Variants in PAPSS2 observed in about 807,000 individuals in gnomAD.
The protein encoded by PAPSS2 is bifunctional 3'-phosphoadenosine 5'-phosphosulfate synthase 2.
Under a neutral mutation model 66.5 loss-of-function variants are expected in PAPSS2, and 61 were observed. The ratio of observed to expected loss-of-function variants is 0.92; its 90% confidence interval spans 0.75 to 1.14. The LOEUF (loss-of-function observed/expected upper bound fraction) is 1.14, where lower values mean the gene tolerates loss of function less well. PAPSS2 is among the 50% of genes most tolerant of loss of function. The pLI, the probability that PAPSS2 is intolerant of heterozygous loss-of-function variation, is 0.00. For synonymous variants in PAPSS2, 289 were observed against 287.5 expected (o/e 1.01, Z -0.05); for missense variants, 708 against 789.6 (o/e 0.90, Z 1.24).
At chr10:87,690,707 A>G (rs1853161868) in intron 1 of PAPSS2, among the ~76,000 whole-genome samples, 1 of 152,248 alleles carries the variant, frequency 6.6e-6, no homozygotes, top group Admixed American at 6.5e-5. Context: ...TTTAATTATC[A>G]TTAAAAACAA....
intron 1 of PAPSS2, among the ~76,000 whole-genome samples, chr10:87,708,082 A>T (rs1015670391): frequency 1.3e-5 from 2 of 152,074 alleles, no homozygotes; most frequent in Admixed American, 1.3e-4. Context: ...TCCCCCTTGG[A>T]TCACATGTTA....
chr10:87,744,796 A>G (rs1220268572), intron 11 of PAPSS2, among the ~76,000 whole-genome samples: 2 of 152,134 alleles, frequency 1.3e-5, no homozygotes, highest in Non-Finnish European at 2.9e-5. Flanking sequence ...ATGAGGGAGG[A>G]ATCTTATCTT....
At chr10:87,710,019 A>G (rs2131932200) in intron 2 of PAPSS2, among the ~76,000 whole-genome samples, 1 of 152,326 alleles carries the variant, frequency 6.6e-6, no homozygotes, top group South Asian at 2.1e-4. Context: ...TTGTACTCTG[A>G]GTCCAAGGTA....
intron 10 of PAPSS2, 39 bp from the exon 11 acceptor site, chr10:87,743,334 T>A (rs1277058226): frequency 6.2e-7 from 1 of 1,606,034 alleles, no homozygotes; most frequent in Admixed American, 1.7e-5. Flanking sequence ...TGACACCATG[T>A]GTTTCTGTGA....
At chr10:87,707,841 G>C (rs1485870859) in intron 1 of PAPSS2, among the ~76,000 whole-genome samples, 1 of 151,990 alleles carries the variant, frequency 6.6e-6, no homozygotes, top group Non-Finnish European at 1.5e-5. Flanking sequence ...CAAAGTGCTG[G>C]GATTACAAAC....
At chr10:87,661,194 C>G (rs1367324971) in intron 1 of PAPSS2, 4 of 372,218 alleles carry the variant, frequency 1.1e-5, no homozygotes, top group African/African-American at 8.6e-5. Flanking sequence ...TGTGGAGGGG[C>G]CATGCAGGGC....
chr10:87,700,582 G>A (rs1187521096), intron 1 of PAPSS2, among the ~76,000 whole-genome samples: 7 of 151,580 alleles, frequency 4.6e-5, no homozygotes, highest in Non-Finnish European at 7.4e-5. Flanking sequence ...CGCTTGAGCC[G>A]GAGACGTGGA....
At chr10:87,718,031 CTTTTCTTTT>C (rs1038080743) in intron 7 of PAPSS2, among the ~76,000 whole-genome samples, 6 of 151,416 alleles carry the variant, frequency 4.0e-5, no homozygotes. Flanking sequence ...TTTCTTTTTT[CTTTTCTTTT>C]TTTTCTTTTT....
intron 10 of PAPSS2, among the ~76,000 whole-genome samples, chr10:87,741,992 A>C (rs1273157947): frequency 6.6e-6 from 1 of 152,068 alleles, no homozygotes; most frequent in Non-Finnish European, 1.5e-5. Flanking sequence ...TCCTGGGCTC[A>C]AGCAATCTCC....
chr10:87,745,706 CCCACTTTTGA>C (rs1260410963), intron 12 of PAPSS2, 116 bp from the exon 13 acceptor site: 2 of 896,524 alleles, frequency 2.2e-6, no homozygotes, highest in African/African-American at 3.3e-5. Context: ...TAGAGGACTG[CCCACTTTTGA>C]AGATGCAGCA....
chr10:87,689,300 A>G (rs1564713114), intron 1 of PAPSS2, among the ~76,000 whole-genome samples: 1 of 147,976 alleles, frequency 6.8e-6, no homozygotes, highest in Non-Finnish European at 1.5e-5. Context: ...AGATCATGCC[A>G]CTGCACCCCA....
chr10:87,721,083 G>A (rs1024261972), intron 7 of PAPSS2, among the ~76,000 whole-genome samples: 1 of 152,146 alleles, frequency 6.6e-6, no homozygotes, highest in Non-Finnish European at 1.5e-5. Flanking sequence ...TATATCACCA[G>A]CACTTATTGA....
chr10:87,700,669 A>G (rs1343570570), intron 1 of PAPSS2, among the ~76,000 whole-genome samples: 1 of 151,904 alleles, frequency 6.6e-6, no homozygotes, highest in African/African-American at 2.4e-5. Flanking sequence ...AAAAAAAAAA[A>G]AAAGAAAAAA....
chr10:87,686,453 T>A (rs962546613), intron 1 of PAPSS2, among the ~76,000 whole-genome samples: 14 of 151,830 alleles, frequency 9.2e-5, no homozygotes, highest in African/African-American at 3.1e-4. Flanking sequence ...AATCCCCTTC[T>A]CTTCCCCCTC....
chr10:87,742,537 A>G (rs1157174777), intron 10 of PAPSS2, among the ~76,000 whole-genome samples: 1 of 152,160 alleles, frequency 6.6e-6, no homozygotes, highest in African/African-American at 2.4e-5. Flanking sequence ...ATAATATTGA[A>G]AGTATTCATT....
At chr10:87,731,729 C>T (rs545915660) in intron 9 of PAPSS2, among the ~76,000 whole-genome samples, 6 of 152,100 alleles carry the variant, frequency 3.9e-5, no homozygotes, top group East Asian at 1.9e-4. Context: ...TAACTGCAGA[C>T]GTGGTGGAAA....
At chr10:87,703,947 T>C (rs1853350730) in intron 1 of PAPSS2, 4 of 496,440 alleles carry the variant, frequency 8.1e-6, no homozygotes, top group South Asian at 5.9e-5. Context: ...TTGCTTTCTA[T>C]AGAGAGAATC....
At chr10:87,700,651 C>T (rs1853291523) in intron 1 of PAPSS2, among the ~76,000 whole-genome samples, 1 of 145,556 alleles carries the variant, frequency 6.9e-6, no homozygotes, top group Admixed American at 6.9e-5. Context: ...GAGTGAGACC[C>T]TGTCTCAAAA....
Position 87,659,883 on chromosome 10 carries a change from C to T in PAPSS2, c.-99C>T. 1 of 993,894 alleles carries T rather than the reference C, an allele frequency of 1.0e-6. No individual in the cohort carries two copies. Among genetic ancestry groups the T allele is most frequent in the Non-Finnish European group, 1.5e-6 (1 of 663,712 alleles). 61.6% of individuals were successfully genotyped at this position (993,894 alleles called of 1,614,324 possible). A position where few individuals can be genotyped will look rare whatever the true frequency, so the allele number is the denominator to read the frequency against. On this transcript the variant is annotated 5_prime_UTR_variant, in exon 1 of 13. Coordinates refer to ENST00000456849, the MANE Select transcript of PAPSS2 (RefSeq NM_001015880.2). ...CTCCTTCCCGGGAGTCCGGCAGCCG[C>T]TGCTGCTGCTGCTGCTGCTGCTGCC...
Sources: allele counts gnomAD v4.1 joint callset (sites outside exome capture counted in the v4.1 genomes callset), GRCh38; gene constraint gnomAD v4.1.1; transcripts MANE v1.5; gene names NCBI Gene and HGNC (gene_info 2026-07-23, HGNC 2026-07-21).